Variants in PRKN observed in about 807,000 individuals in gnomAD.
PRKN encodes parkin RBR E3 ubiquitin protein ligase.
In PRKN, 56 loss-of-function variants were observed where a neutral mutation model predicts 59.5. The ratio of observed to expected loss-of-function variants is 0.94; its 90% CI spans 0.76 to 1.18. PRKN has a LOEUF of 1.18. Ranked by LOEUF, PRKN falls within the 50% of genes most tolerant of loss-of-function variation. The pLI, the probability that PRKN is intolerant of heterozygous loss-of-function variation, is 0.00. For missense variants in PRKN, 657 were observed against 596.4 expected, an observed-to-expected ratio of 1.10 and a Z score of -1.06; for synonymous variants, 250 against 222.1, an observed-to-expected ratio of 1.13 and a Z score of -1.12.
intron 2 of PRKN, among the ~76,000 whole-genome samples, chr6:162,357,264 T>G (rs753373367): frequency 1.4e-4 from 21 of 152,256 alleles, no homozygotes; most frequent in Middle Eastern, 3.4e-3. Context: ...CAAAGAAGTC[T>G]TGCAACTCAG....
chr6:161,438,262 G>A (rs1384433349), intron 9 of PRKN, among the ~76,000 whole-genome samples: 1 of 128,908 alleles, frequency 7.8e-6, no homozygotes, highest in African/African-American at 3.1e-5. Context: ...TCTGTCTCCA[G>A]GCTGGATTGC....
chr6:162,169,474 A>G lies in PRKN; in HGVS notation c.534+31657T>C, dbSNP rs530076901. 2.2e-5 allele frequency among the ~76,000 whole-genome samples: 3 copies of G among 137,764 alleles called. No individual in the cohort carries two copies. The East Asian group carries it at 6.1e-4, about 28-fold the overall frequency. 90.4% of individuals were successfully genotyped at this position (137,764 alleles called of 152,430 possible). ...AGGGCACATATTAATTTTCTTAAAAATTTATCACATGTTATGTAAAAAAAT... is the reference window on the plus strand; with the variant it reads ...AGGGCACATATTAATTTTCTTAAAAGTTTATCACATGTTATGTAAAAAAAT... On this transcript the variant is annotated intron_variant, in intron 4 of 11. Transcript: ENST00000366898.
intron 2 of PRKN, among the ~76,000 whole-genome samples, chr6:162,336,626 G>A (rs941551553): frequency 3.3e-5 from 5 of 152,182 alleles, no homozygotes; most frequent in South Asian, 2.1e-4. Context: ...GCATGTGAGC[G>A]GGACGCAGGT....
At chr6:161,570,179 A>G (rs1299527301) in intron 7 of PRKN, among the ~76,000 whole-genome samples, 3 of 143,308 alleles carry the variant, frequency 2.1e-5, no homozygotes, top group Non-Finnish European at 4.6e-5. Flanking sequence ...GCACACATAC[A>G]CACACAATTA....
chr6:162,706,255 G>T (rs1176687500), intron 1 of PRKN, among the ~76,000 whole-genome samples: 1 of 151,916 alleles, frequency 6.6e-6, no homozygotes, highest in Non-Finnish European at 1.5e-5. Context: ...AGAAATAGAA[G>T]AAACAGATTG....
chr6:162,286,324 T>G (rs971078807), intron 2 of PRKN, among the ~76,000 whole-genome samples: 2 of 152,214 alleles, frequency 1.3e-5, no homozygotes, highest in Non-Finnish European at 2.9e-5. Flanking sequence ...TAAATCTTTA[T>G]AGCCGTGAGC....
chr6:162,593,119 T>C (rs1052217745), intron 1 of PRKN, among the ~76,000 whole-genome samples: 9 of 152,158 alleles, frequency 5.9e-5, no homozygotes, highest in African/African-American at 2.2e-4. Flanking sequence ...AAAGCAATTA[T>C]ATACGAAACA....
intron 9 of PRKN, among the ~76,000 whole-genome samples, chr6:161,515,960 G>T (rs1275711045): frequency 3.9e-5 from 6 of 152,108 alleles, no homozygotes; most frequent in African/African-American, 1.4e-4. Flanking sequence ...TTATAAGACT[G>T]CAAAGTTCAA....
chr6:161,631,039 C>T (rs1193687297), intron 7 of PRKN, among the ~76,000 whole-genome samples: 1 of 152,266 alleles, frequency 6.6e-6, no homozygotes, highest in Non-Finnish European at 1.5e-5. Context: ...AGGCAGGCTG[C>T]TCCTGCTACC....
Position 161,765,601 on chromosome 6 carries a change from G to A in PRKN, c.871+20171C>T, listed in dbSNP as rs374437218. Among the ~76,000 whole-genome samples, 192 of 152,176 alleles carry A rather than the reference G, an allele frequency of 1.3e-3. 6 individuals are homozygous for A. The South Asian group carries it at 0.037, about 30-fold the overall frequency. On this transcript the variant is annotated intron_variant, in intron 7 of 11. Transcript: ENST00000366898. ...ATAGCTACAGAAGCTGTGTACAACC[G>A]AGAACAACACCCAATTCTTGAAACA...
chr6:161,756,879 G>T (rs1788949382), intron 7 of PRKN, among the ~76,000 whole-genome samples: 1 of 152,078 alleles, frequency 6.6e-6, no homozygotes, highest in African/African-American at 2.4e-5. Flanking sequence ...TACGCTATTG[G>T]CATACAGATA....
intron 2 of PRKN, among the ~76,000 whole-genome samples, chr6:162,405,423 CT>C (rs1788009382): frequency 6.6e-6 from 1 of 152,106 alleles, no homozygotes. Context: ...TTGAGGGTCT[CT>C]TATGGACAAG....
chr6:162,438,844 G>A (rs1013697533), intron 2 of PRKN, among the ~76,000 whole-genome samples: 6 of 152,106 alleles, frequency 3.9e-5, no homozygotes, highest in South Asian at 2.1e-4. Flanking sequence ...TGCAAACTTT[G>A]GAAGTTTCCA....
At chr6:161,747,804 A>G (rs3019444) in intron 7 of PRKN, among the ~76,000 whole-genome samples, 23,115 of 152,220 alleles carry the variant, frequency 0.15, 2,221 homozygotes, top group Middle Eastern at 0.26. Context: ...GCAGAGTACC[A>G]GAATTTAATG....
In PRKN at chr6:161,593,084, A is replaced by T. The variant is rs1163698047; in HGVS notation, c.872-23668T>A. On this transcript the variant is annotated intron_variant, in intron 7 of 11. Coordinates refer to ENST00000366898, the MANE Select transcript of PRKN (RefSeq NM_004562.3). This position sits in a 1 kb window ranked among gnomAD's most constrained non-coding sequence, Gnocchi z 4.8. Reference sequence around the variant, plus strand: ...CTGCACCCCACGTCCGCTGCTGTTAACATCCTACATAACCAGGCCATCTTC... The same window carrying T: ...CTGCACCCCACGTCCGCTGCTGTTATCATCCTACATAACCAGGCCATCTTC... Among the ~76,000 whole-genome samples, 1 of 152,216 alleles carries T rather than the reference A, an allele frequency of 6.6e-6. No individual in the cohort carries two copies. The highest frequency in any genetic ancestry group is 1.5e-5 in the Non-Finnish European group (1 of 68,038).
At chr6:161,623,726 G>C (rs965207300) in intron 7 of PRKN, among the ~76,000 whole-genome samples, 2 of 152,152 alleles carry the variant, frequency 1.3e-5, no homozygotes, top group Non-Finnish European at 2.9e-5. Flanking sequence ...ATGATTTTAT[G>C]AAACTACATT....
intron 9 of PRKN, among the ~76,000 whole-genome samples, chr6:161,433,783 G>A (rs1433610095): frequency 1.3e-5 from 2 of 152,078 alleles, no homozygotes; most frequent in South Asian, 2.1e-4. Flanking sequence ...TTGGGAGGCC[G>A]AGGCAAGCAG....
intron 5 of PRKN, among the ~76,000 whole-genome samples, chr6:162,010,348 T>A (rs1231636129): frequency 1.7e-5 from 2 of 120,706 alleles, no homozygotes; most frequent in Non-Finnish European, 3.2e-5. Context: ...ATAAATAATA[T>A]ACATTTATTA....
intron 3 of PRKN, among the ~76,000 whole-genome samples, chr6:162,213,802 CATACA>C (rs1240957733): frequency 2.3e-5 from 1 of 43,704 alleles, no homozygotes; most frequent in Non-Finnish European, 4.6e-5. Context: ...AAAAAAAAAC[CATACA>C]CACACACACA....
Sources: allele counts gnomAD v4.1 joint callset (sites outside exome capture counted in the v4.1 genomes callset), GRCh38; gene constraint gnomAD v4.1.1; non-coding constraint Gnocchi (gnomAD v3.1); transcripts MANE v1.5; gene names NCBI Gene and HGNC (gene_info 2026-07-23, HGNC 2026-07-21).